Variants in ELMOD1 observed in about 807,000 individuals in gnomAD.
ELMOD1 encodes ELMO domain containing 1.
In ELMOD1, 21 loss-of-function variants were observed where a neutral mutation model predicts 46.7. That is an observed-to-expected ratio of 0.45 (90% CI 0.32 to 0.65). The LOEUF is 0.65. ELMOD1 is among the 30% of genes least tolerant of loss of function. The pLI, the probability that ELMOD1 is intolerant of heterozygous loss-of-function variation, is 0.04. For missense variants in ELMOD1, 348 were observed against 407.8 expected (o/e 0.85, Z 1.26); for synonymous variants, 122 against 138.2 (o/e 0.88, Z 0.82).
intron 8 of ELMOD1, 106 bp from the exon 9 acceptor site, chr11:107,650,779 T>C: frequency 1.3e-6 from 1 of 792,808 alleles, no homozygotes; most frequent in East Asian, 3.5e-5. Flanking sequence ...TGAGAACATC[T>C]GGAATTACTA....
intron 7 of ELMOD1, among the ~76,000 whole-genome samples, chr11:107,648,853 A>AT (rs570956866): frequency 3.4e-4 from 51 of 149,740 alleles, no homozygotes; most frequent in Non-Finnish European, 6.5e-4. Flanking sequence ...TGTACTTGTT[A>AT]TTTTTTTCAT....
At chr11:107,642,941 A>G in intron 6 of ELMOD1, 1 of 344,094 alleles carries the variant, frequency 2.9e-6, no homozygotes. Flanking sequence ...AAGTTGGTAC[A>G]ATCAGGTTAT....
At chr11:107,628,254 C>T (rs1866077211) in intron 2 of ELMOD1, among the ~76,000 whole-genome samples, 2 of 151,934 alleles carry the variant, frequency 1.3e-5, no homozygotes, top group South Asian at 4.2e-4. Context: ...GCAACCTCCG[C>T]CTCCTGGGTT....
At chr11:107,599,755 A>AAAAGAAAAAAAG (rs1555058613) in intron 1 of ELMOD1, among the ~76,000 whole-genome samples, 1 of 138,824 alleles carries the variant, frequency 7.2e-6, no homozygotes, top group Non-Finnish European at 1.5e-5. Flanking sequence ...AAAAAAAGAA[A>AAAAGAAAAAAAG]AAAAGAAAAG....
chr11:107,591,328 C>T lies in ELMOD1; in HGVS notation c.-167C>T, dbSNP rs1270837134. 6.6e-6 allele frequency: 1 copy of T among 152,280 alleles called. No homozygotes were observed. The highest frequency in any genetic ancestry group is 1.9e-4 in the East Asian group (1 of 5,170). 9.4% of individuals were successfully genotyped at this position (152,280 alleles called of 1,614,324 possible). A position where few individuals can be genotyped will look rare whatever the true frequency, so the allele number is the denominator to read the frequency against. Reference sequence around the variant, plus strand: ...TCGCTCGCCGCCGCGGAGCGCGTAGCCGGAGCGCCTGGGGAAGGCGGAGAT... The same window carrying T: ...TCGCTCGCCGCCGCGGAGCGCGTAGTCGGAGCGCCTGGGGAAGGCGGAGAT... On this transcript the variant is annotated 5_prime_UTR_variant, in exon 1 of 12. Transcript: ENST00000265840.
At chr11:107,652,261 G>A (rs1435017347) in intron 9 of ELMOD1, among the ~76,000 whole-genome samples, 2 of 152,246 alleles carry the variant, frequency 1.3e-5, no homozygotes, top group Non-Finnish European at 2.9e-5. Flanking sequence ...AAAAGTCAGT[G>A]TGTACTAAGG....
intron 1 of ELMOD1, among the ~76,000 whole-genome samples, chr11:107,614,403 A>G (rs1174770168): frequency 6.6e-6 from 1 of 152,090 alleles, no homozygotes; most frequent in African/African-American, 2.4e-5. Flanking sequence ...CAATGGTGCA[A>G]TCTTGGCTCA....
At chr11:107,653,377 C>T (rs944019891) in intron 9 of ELMOD1, 1 of 151,950 alleles carries the variant, frequency 6.6e-6, no homozygotes, top group Non-Finnish European at 1.5e-5. Flanking sequence ...TTTCAGAATG[C>T]TTCTATGATA....
chr11:107,633,658 C>T (rs187585869), intron 5 of ELMOD1, among the ~76,000 whole-genome samples: 2 of 152,254 alleles, frequency 1.3e-5, no homozygotes, highest in Admixed American at 1.3e-4. Context: ...GTCTCAAACC[C>T]CTGACCTCGT....
chr11:107,592,190 T>G (rs1370445067), intron 1 of ELMOD1: 1 of 385,586 alleles, frequency 2.6e-6, no homozygotes, highest in Non-Finnish European at 5.4e-6. Flanking sequence ...TAACACATCT[T>G]ATGAATATTT....
At chr11:107,619,091 G>T (rs1242330624) in intron 2 of ELMOD1, among the ~76,000 whole-genome samples, 2 of 151,990 alleles carry the variant, frequency 1.3e-5, no homozygotes, top group Admixed American at 1.3e-4. Flanking sequence ...TCCTACAATG[G>T]CCATAATTTA....
intron 1 of ELMOD1, among the ~76,000 whole-genome samples, chr11:107,612,632 T>G (rs1048606196): frequency 6.6e-6 from 1 of 152,174 alleles, no homozygotes; most frequent in African/African-American, 2.4e-5. Flanking sequence ...GTACCACTCA[T>G]GGAAAAATAA....
intron 9 of ELMOD1, among the ~76,000 whole-genome samples, chr11:107,652,605 T>C (rs927803591): frequency 1.3e-5 from 2 of 152,192 alleles, no homozygotes; most frequent in Admixed American, 6.5e-5. Flanking sequence ...TAAATTCTTA[T>C]ATATAAAATT....
chr11:107,597,935 A>G (rs1565367287), intron 1 of ELMOD1, among the ~76,000 whole-genome samples: 1 of 152,230 alleles, frequency 6.6e-6, no homozygotes, highest in Non-Finnish European at 1.5e-5. Context: ...AAAATTGCAC[A>G]GCACACCTAA....
intron 6 of ELMOD1, among the ~76,000 whole-genome samples, chr11:107,636,357 A>C (rs989648937): frequency 1.3e-5 from 2 of 152,248 alleles, no homozygotes; most frequent in African/African-American, 2.4e-5. Flanking sequence ...ATGGTATATT[A>C]AGAAACATCA....
intron 1 of ELMOD1, chr11:107,591,688 CGG>C (rs1865394983): frequency 2.5e-5 from 9 of 365,120 alleles, no homozygotes; most frequent in Non-Finnish European, 2.3e-5. Flanking sequence ...GTTTGCATCT[CGG>C]CCCGGGCGTA....
chr11:107,656,017 C>G lies in ELMOD1; in HGVS notation c.783C>G (p.Tyr261Ter). ...LVSGALKTHF[Y>*]NIAPEAPTLS... ...GCGGAGCTCTAAAAACCCATTTCTACAATATCGCCCCAGAAGCTCCAACAT... is the reference window on the plus strand; with the variant it reads ...GCGGAGCTCTAAAAACCCATTTCTAGAATATCGCCCCAGAAGCTCCAACAT... The change falls in exon 11 of 12, where the codon TAC becomes TAG. Residue 261 changes from tyrosine (Y) to a stop codon, truncating the protein, a stop_gained. Coordinates refer to ENST00000265840, the MANE Select transcript of ELMOD1 (RefSeq NM_018712.4). LOFTEE classifies it high-confidence loss of function. 1 of 1,566,378 alleles carries G rather than the reference C, an allele frequency of 6.4e-7. No individual in the cohort carries two copies. Among genetic ancestry groups the G allele is most frequent in the Non-Finnish European group, 8.7e-7 (1 of 1,153,524 alleles).
intron 9 of ELMOD1, chr11:107,653,484 G>T (rs1418401851): frequency 2.0e-5 from 3 of 152,094 alleles, no homozygotes; most frequent in African/African-American, 7.2e-5. Flanking sequence ...TTAGCCCAAA[G>T]AAATACCATA....
In ELMOD1 at chr11:107,630,350, G is replaced by A. The variant is rs1046186103; in HGVS notation, c.18-67G>A. ...TTTCTCCTGGGCTTCTTTTCTTGCT[G>A]GTGGTGGCTGCTTTCTCTTCTCTTC... On this transcript the variant is annotated intron_variant, in intron 2 of 11. Transcript: ENST00000265840. The A allele has an allele frequency of 2.1e-6, 3 of 1,423,230 alleles. No homozygotes were observed. The African/African-American group carries it at 4.3e-5, about 20-fold the overall frequency. The allele number at this position is 1,423,230 out of a possible 1,614,324, so 88.2% of individuals were successfully genotyped here. A position where few individuals can be genotyped will look rare whatever the true frequency, so the allele number is the denominator to read the frequency against.
Sources: allele counts gnomAD v4.1 joint callset (sites outside exome capture counted in the v4.1 genomes callset), GRCh38; gene constraint gnomAD v4.1.1; transcripts MANE v1.5; gene names NCBI Gene and HGNC (gene_info 2026-07-23, HGNC 2026-07-21).